BNC2: variants seen among roughly 807,000 people sequenced by gnomAD.
The protein encoded by BNC2 is zinc finger protein basonuclin-2.
In BNC2, 20 loss-of-function variants were observed where a neutral mutation model predicts 76.3. The ratio of observed to expected loss-of-function variants is 0.26; its 90% confidence interval spans 0.18 to 0.38. The LOEUF (loss-of-function observed/expected upper bound fraction) is 0.38, where lower values mean the gene tolerates loss of function less well. Ranked by LOEUF, BNC2 falls within the 10% of genes least tolerant of loss-of-function variation. The probability of loss-of-function intolerance (pLI) is 1.00; values close to 1 mark genes in which losing one functional copy is unlikely to be tolerated. For missense variants in BNC2, 1,382 were observed against 1,399.8 expected, an observed-to-expected ratio of 0.99 and a Z score of 0.20; for synonymous variants, 582 against 514.8, an observed-to-expected ratio of 1.13 and a Z score of -1.77.
chr9:16,498,716 T>G (rs1822453083), intron 5 of BNC2, among the ~76,000 whole-genome samples: 1 of 150,450 alleles, frequency 6.6e-6, no homozygotes, highest in South Asian at 2.1e-4. Context: ...CCCCAAAAAA[T>G]TATATGTTTT....
chr9:16,684,627 T>C (rs773711484), intron 3 of BNC2, among the ~76,000 whole-genome samples: 31 of 152,112 alleles, frequency 2.0e-4, no homozygotes, highest in Non-Finnish European at 3.4e-4. Flanking sequence ...ATGCTCATCT[T>C]ATAAGCCTGA....
chr9:16,586,468 C>T (rs373575777), intron 3 of BNC2, among the ~76,000 whole-genome samples: 1 of 152,180 alleles, frequency 6.6e-6, no homozygotes. Context: ...AGGCAATGTT[C>T]TCATCCCATC....
intron 3 of BNC2, among the ~76,000 whole-genome samples, chr9:16,719,435 T>C (rs1824082645): frequency 6.6e-6 from 1 of 152,234 alleles, no homozygotes; most frequent in African/African-American, 2.4e-5. Context: ...AATTACTTGT[T>C]GTCATGTAAA....
chr9:16,551,470 G>A (rs1436325572), intron 5 of BNC2, among the ~76,000 whole-genome samples: 1 of 152,332 alleles, frequency 6.6e-6, no homozygotes. Context: ...GTAACACACA[G>A]TAGCTCAGGG....
At position 16,769,976 on chromosome 9, in the gene BNC2, C is replaced by T. The variant is rs1374182464; in HGVS notation, c.4-31491G>A. ...CAGGCCTTGGGAAATTTACACAAACCCTATGGGGAGGAGAAGCTGTATACC... is the reference window on the plus strand; with the variant it reads ...CAGGCCTTGGGAAATTTACACAAACTCTATGGGGAGGAGAAGCTGTATACC... On this transcript the variant is annotated intron_variant, in intron 1 of 6. Transcript: ENST00000380672. Among the ~76,000 whole-genome samples the T allele has an allele frequency of 2.0e-5, 3 of 152,110 alleles. No individual in the cohort carries two copies. The East Asian group carries it at 5.8e-4, about 29-fold the overall frequency.
chr9:16,426,292 C>T (rs1587012195), intron 6 of BNC2, among the ~76,000 whole-genome samples: 1 of 149,700 alleles, frequency 6.7e-6, no homozygotes, highest in East Asian at 2.0e-4. Context: ...ATAATAGGAG[C>T]TAATTTTTAC....
chr9:16,529,986 T>G (rs533228830), intron 5 of BNC2, among the ~76,000 whole-genome samples: 1 of 152,214 alleles, frequency 6.6e-6, no homozygotes, highest in East Asian at 1.9e-4. Context: ...TAGCTGGGAT[T>G]ACAGGTACGG....
chr9:16,581,750 A>G (rs1819635157), intron 4 of BNC2, among the ~76,000 whole-genome samples: 2 of 152,204 alleles, frequency 1.3e-5, no homozygotes, highest in South Asian at 4.1e-4. Flanking sequence ...AAGAGACTGC[A>G]GAAGTAAATG....
chr9:16,435,811 T>C lies in BNC2; in HGVS notation c.2383A>G (p.Asn795Asp). 6.2e-7 allele frequency: 1 copy of C among 1,614,152 alleles called. No homozygotes were observed. The highest frequency in any genetic ancestry group is 8.5e-7 in the Non-Finnish European group (1 of 1,180,032). Residue 795 changes from asparagine (N) to aspartate (D), a missense_variant, in exon 6 of 7, where the codon AAT becomes GAT. Asn to Asp is a conservative substitution (Grantham distance 23). Coordinates refer to ENST00000380672, the MANE Select transcript of BNC2 (RefSeq NM_017637.6). Reference protein sequence around the residue: ...MFYMSQYGLYNGGGASMAALH... With the variant: ...MFYMSQYGLYDGGGASMAALH... ...GCGGCCATGCTGGCACCCCCACCAT[T>C]GTACAGTCCATACTGGCTCATGTAA...
At chr9:16,600,530 C>A (rs1166151385) in intron 3 of BNC2, among the ~76,000 whole-genome samples, 1 of 152,080 alleles carries the variant, frequency 6.6e-6, no homozygotes, top group Non-Finnish European at 1.5e-5. Context: ...GCATTTTATT[C>A]CTTAATCAGA....
At chr9:16,842,594 C>A (rs1173573577) in intron 1 of BNC2, among the ~76,000 whole-genome samples, 1 of 152,032 alleles carries the variant, frequency 6.6e-6, no homozygotes, top group Admixed American at 6.6e-5. Context: ...ATACTAAAAA[C>A]CAGTGACTAT....
chr9:16,753,918 C>G (rs546684994), intron 1 of BNC2, among the ~76,000 whole-genome samples: 24 of 152,230 alleles, frequency 1.6e-4, no homozygotes, highest in Non-Finnish European at 2.4e-4. Flanking sequence ...AATGTCTATG[C>G]CTTACTGAGC....
chr9:16,601,276 C>A (rs904392954), intron 3 of BNC2, among the ~76,000 whole-genome samples: 1 of 152,130 alleles, frequency 6.6e-6, no homozygotes, highest in African/African-American at 2.4e-5. Context: ...TTGCACAACC[C>A]GAGAAGAAGT....
chr9:16,693,723 T>G (rs1394456040), intron 3 of BNC2, among the ~76,000 whole-genome samples: 1 of 151,986 alleles, frequency 6.6e-6, no homozygotes, highest in Non-Finnish European at 1.5e-5. Context: ...AACATCTCAC[T>G]CTGTAAAGAA....
At chr9:16,640,876 CA>C (rs1357437018) in intron 3 of BNC2, among the ~76,000 whole-genome samples, 1 of 152,146 alleles carries the variant, frequency 6.6e-6, no homozygotes, top group East Asian at 1.9e-4. Context: ...TCAGTTCTTA[CA>C]GTGAAACTAA....
At chr9:16,430,099 G>A (rs1820879254) in intron 6 of BNC2, 3 of 449,276 alleles carry the variant, frequency 6.7e-6, no homozygotes, top group African/African-American at 4.0e-5. Context: ...GGAGGGGGAT[G>A]TATTTTGTGT....
intron 3 of BNC2, among the ~76,000 whole-genome samples, chr9:16,657,652 G>T (rs564353924): frequency 6.6e-6 from 1 of 152,142 alleles, no homozygotes; most frequent in African/African-American, 2.4e-5. Context: ...GGCTTATCGT[G>T]TATTAATAAT....
At chr9:16,869,906 G>A (rs1029287792) in intron 1 of BNC2, among the ~76,000 whole-genome samples, 31 of 152,018 alleles carry the variant, frequency 2.0e-4, no homozygotes, top group African/African-American at 7.0e-4. Flanking sequence ...TTTTTATTCT[G>A]CTCCCTCCCC....
intron 5 of BNC2, among the ~76,000 whole-genome samples, chr9:16,549,508 G>C (rs1272063150): frequency 1.3e-5 from 2 of 152,120 alleles, no homozygotes; most frequent in Non-Finnish European, 2.9e-5. Context: ...GAGCATTATG[G>C]GGTTCCACAG....
Sources: allele counts gnomAD v4.1 joint callset (sites outside exome capture counted in the v4.1 genomes callset), GRCh38; gene constraint gnomAD v4.1.1; transcripts MANE v1.5; gene names NCBI Gene and HGNC (gene_info 2026-07-23, HGNC 2026-07-21).